Variants in KCTD8 observed in about 807,000 individuals in gnomAD.
KCTD8 encodes BTB/POZ domain-containing protein KCTD8.
Under a neutral mutation model 31.5 loss-of-function variants are expected in KCTD8, and 27 were observed. That is an observed-to-expected ratio of 0.86 (90% confidence interval 0.63 to 1.18). KCTD8 has a LOEUF of 1.18. Ranked by LOEUF, KCTD8 falls within the 50% of genes most tolerant of loss-of-function variation. The pLI is 0.00. For synonymous variants in KCTD8, 290 were observed against 280.0 expected (o/e 1.04, Z -0.36); for missense variants, 658 against 647.7 (o/e 1.02, Z -0.17).
At chr4:44,228,217 G>A (rs1261631841) in intron 1 of KCTD8, among the ~76,000 whole-genome samples, 1 of 152,138 alleles carries the variant, frequency 6.6e-6, no homozygotes, top group Non-Finnish European at 1.5e-5. Context: ...CTGAGATCAA[G>A]GTGTCAGCAG....
intron 1 of KCTD8, among the ~76,000 whole-genome samples, chr4:44,300,675 A>G (rs1281575026): frequency 7.0e-6 from 1 of 143,664 alleles, no homozygotes; most frequent in Non-Finnish European, 1.5e-5. Context: ...TTAAATGCTT[A>G]TTCAAACTAA....
intron 1 of KCTD8, among the ~76,000 whole-genome samples, chr4:44,302,526 T>G (rs940040980): frequency 5.3e-5 from 8 of 152,116 alleles, no homozygotes; most frequent in Admixed American, 3.3e-4. Context: ...GTTTGTCTGT[T>G]ATTGGTGTAT....
chr4:44,298,551 C>G (rs1317886272), intron 1 of KCTD8, among the ~76,000 whole-genome samples: 1 of 152,074 alleles, frequency 6.6e-6, no homozygotes, highest in Non-Finnish European at 1.5e-5. Flanking sequence ...TTCAAAATCA[C>G]CTGAGGGGAA....
chr4:44,192,181 T>C (rs1429814260), intron 1 of KCTD8, among the ~76,000 whole-genome samples: 4 of 152,224 alleles, frequency 2.6e-5, no homozygotes, highest in Non-Finnish European at 5.9e-5. Context: ...TGCACATTTC[T>C]AGTTACTGAC....
intron 1 of KCTD8, among the ~76,000 whole-genome samples, chr4:44,238,690 T>C (rs773585383): frequency 1.3e-5 from 2 of 152,206 alleles, no homozygotes; most frequent in Non-Finnish European, 2.9e-5. Flanking sequence ...TAGATTTTCA[T>C]AGTTTATTTT....
chr4:44,185,198 A>G (rs1370664031), intron 1 of KCTD8, among the ~76,000 whole-genome samples: 1 of 152,178 alleles, frequency 6.6e-6, no homozygotes, highest in Non-Finnish European at 1.5e-5. Flanking sequence ...TTGGCTATCC[A>G]ATGGATTTAT....
At chr4:44,316,546 A>G (rs1718113713) in intron 1 of KCTD8, among the ~76,000 whole-genome samples, 1 of 152,082 alleles carries the variant, frequency 6.6e-6, no homozygotes, top group African/African-American at 2.4e-5. Flanking sequence ...CACCAGTTGT[A>G]TATGTCTCTT....
rs763360875 is a variant in KCTD8, at chr4:44,448,270, C to G, written c.254G>C (p.Arg85Pro). The G allele has an allele frequency of 5.6e-6, 9 of 1,601,368 alleles. No homozygotes were observed. Among genetic ancestry groups the G allele is most frequent in the South Asian group, 1.1e-5 (1 of 89,726 alleles). Residue 85 changes from arginine to proline, a missense_variant, in exon 1 of 2, where the codon CGC (arginine) becomes CCC (proline). Physicochemically the swap from Arg to Pro is moderately radical, Grantham distance 103. Coordinates refer to ENST00000360029, the MANE Select transcript of KCTD8 (RefSeq NM_198353.3). The surrounding 1 kb of genome is among the most constrained non-coding windows in gnomAD (Gnocchi z 4.1). ...SPSSPRGGAR[R>P]RGELPRDSRA... ...GCTGTCCCTGGGCAGCTCGCCCCGGCGCCGGGCGCCGCCACGGGGACTAGA... is the reference window on the plus strand; with the variant it reads ...GCTGTCCCTGGGCAGCTCGCCCCGGGGCCGGGCGCCGCCACGGGGACTAGA...
At chr4:44,380,134 T>C (rs1169012316) in intron 1 of KCTD8, among the ~76,000 whole-genome samples, 1 of 151,928 alleles carries the variant, frequency 6.6e-6, no homozygotes, top group African/African-American at 2.4e-5. Context: ...AGCCTCAAGA[T>C]TACCCCTAGG....
chr4:44,344,787 T>C (rs561653104), intron 1 of KCTD8, among the ~76,000 whole-genome samples: 1 of 152,322 alleles, frequency 6.6e-6, no homozygotes, highest in East Asian at 1.9e-4. Context: ...TAATTTTTAA[T>C]ATTAAGGAAT....
intron 1 of KCTD8, among the ~76,000 whole-genome samples, chr4:44,302,908 C>A (rs548972222): frequency 0.01 from 1,596 of 152,050 alleles, 14 homozygotes; most frequent in Non-Finnish European, 0.019. Flanking sequence ...TACCTAATTT[C>A]TTGAGAGTTT....
At chr4:44,181,465 C>G (rs945393372) in intron 1 of KCTD8, among the ~76,000 whole-genome samples, 4 of 152,328 alleles carry the variant, frequency 2.6e-5, no homozygotes, top group Admixed American at 6.5e-5. Flanking sequence ...CTGGGCTGGT[C>G]TCCAGCTCCT....
At chr4:44,337,160 A>G (rs1718771328) in intron 1 of KCTD8, among the ~76,000 whole-genome samples, 1 of 152,178 alleles carries the variant, frequency 6.6e-6, no homozygotes, top group Admixed American at 6.5e-5. Flanking sequence ...GCAAATTAGC[A>G]AATATGTTTA....
At position 44,448,017 on chromosome 4, in the gene KCTD8, G is replaced by A. The variant is rs1721994729; in HGVS notation, c.507C>T (p.Val169=). The A allele has an allele frequency of 6.2e-7, 1 of 1,600,428 alleles. No individual in the cohort carries two copies. Among genetic ancestry groups the A allele is most frequent in the Non-Finnish European group, 8.5e-7 (1 of 1,173,766 alleles). The part of the protein sequence containing the change: ...EGCQSDLEDN[V]SQGSSDALLL... ...GCAGCGCGTCGCTGCTACCCTGCGA[G>A]ACGTTGTCCTCCAGGTCGCTCTGGC... The change falls in exon 1 of 2, where the codon GTC becomes GTT. Residue 169 remains valine (V), a synonymous_variant. Coordinates refer to ENST00000360029, the MANE Select transcript of KCTD8 (RefSeq NM_198353.3). This position sits in a 1 kb window ranked among gnomAD's most constrained non-coding sequence, Gnocchi z 4.1.
chr4:44,314,841 T>C (rs1463303317), intron 1 of KCTD8, among the ~76,000 whole-genome samples: 1 of 151,078 alleles, frequency 6.6e-6, no homozygotes, highest in Non-Finnish European at 1.5e-5. Context: ...AAATTTATAT[T>C]TAAATGTTTA....
intron 1 of KCTD8, among the ~76,000 whole-genome samples, chr4:44,343,926 T>G (rs1192258464): frequency 6.6e-6 from 1 of 152,006 alleles, no homozygotes; most frequent in African/African-American, 2.4e-5. Flanking sequence ...TGGCCCGATC[T>G]CAGCTCACTG....
chr4:44,382,594 G>C (rs184329837), intron 1 of KCTD8, among the ~76,000 whole-genome samples: 1 of 152,044 alleles, frequency 6.6e-6, no homozygotes, highest in East Asian at 2.0e-4. Flanking sequence ...CCCGGGCGTG[G>C]TGGTGGGCAC....
chr4:44,370,214 C>T (rs1466471035), intron 1 of KCTD8, among the ~76,000 whole-genome samples: 1 of 152,042 alleles, frequency 6.6e-6, no homozygotes, highest in East Asian at 1.9e-4. Context: ...GGGGTTACTT[C>T]CTGAACTCAA....
intron 1 of KCTD8, among the ~76,000 whole-genome samples, chr4:44,298,640 T>C (rs1198180594): frequency 6.6e-6 from 1 of 152,124 alleles, no homozygotes; most frequent in East Asian, 1.9e-4. Context: ...ACAGTCTCAA[T>C]ATGAAACACA....
Sources: gnomAD v4.1 joint callset for allele counts (sites outside exome capture counted in the v4.1 genomes callset) on GRCh38, gnomAD v4.1.1 for gene constraint, Gnocchi (gnomAD v3.1) non-coding constraint, MANE v1.5 for transcripts, NCBI Gene and HGNC (gene_info 2026-07-23, HGNC 2026-07-21) for gene names.